The following RANBP2 variants were observed in gnomAD, a reference collection of about 807,000 sequenced individuals.
The protein encoded by RANBP2 is RAN binding protein 2, also known as E3 SUMO-protein ligase RanBP2.
Under a neutral mutation model 303.6 loss-of-function variants are expected in RANBP2, and 57 were observed. The ratio of observed to expected loss-of-function variants is 0.19; its 90% CI spans 0.15 to 0.23. The LOEUF is 0.23. Among genes scored for constraint, RANBP2 ranks in the 10% least tolerant of loss-of-function variants. The pLI is 1.00. For synonymous variants in RANBP2, 1,167 were observed against 1,301.5 expected (o/e 0.90, Z 2.23); for missense variants, 3,138 against 3,780.8 (o/e 0.83, Z 4.46).
chr2:108,878,521 A>C, the RANBP2 span: 2 of 214,926 alleles, frequency 9.3e-6, no homozygotes, highest in Non-Finnish European at 9.9e-6. Context: ...CTGTCATCTT[A>C]CCATATCAGA....
At chr2:109,284,576 G>C in the RANBP2 span, among the ~76,000 whole-genome samples, 1 of 152,224 alleles carries the variant, frequency 6.6e-6, no homozygotes, top group Admixed American at 6.5e-5. Context: ...AGCAGTCACA[G>C]GGTGGTTTTG....
chr2:109,026,340 G>A, the RANBP2 span, among the ~76,000 whole-genome samples: 2 of 130,370 alleles, frequency 1.5e-5, no homozygotes, highest in Non-Finnish European at 3.1e-5. Context: ...TGTTGCTCAG[G>A]CTGGTCCTGA....
the RANBP2 span, among the ~76,000 whole-genome samples, chr2:109,307,297 T>C: frequency 5.9e-5 from 9 of 152,318 alleles, no homozygotes; most frequent in African/African-American, 1.9e-4. Flanking sequence ...ATATATGATA[T>C]TGAAGATGTT....
chr2:108,738,355 G>A (rs572756619), intron 6 of RANBP2, among the ~76,000 whole-genome samples: 57 of 152,086 alleles, frequency 3.7e-4, no homozygotes, highest in Non-Finnish European at 5.6e-4. Flanking sequence ...GATTACAGGT[G>A]TGAGCCACCG....
the RANBP2 span, among the ~76,000 whole-genome samples, chr2:109,038,813 G>A: frequency 1.3e-5 from 2 of 152,138 alleles, no homozygotes; most frequent in Non-Finnish European, 2.9e-5. Flanking sequence ...GAAAGCTCCT[G>A]TTTCTCCACA....
the RANBP2 span, among the ~76,000 whole-genome samples, chr2:109,294,205 C>T: frequency 2.0e-5 from 3 of 152,080 alleles, no homozygotes; most frequent in South Asian, 2.1e-4. Context: ...ACATACAGCT[C>T]CTTGGTGGGG....
At chr2:108,884,049 A>T in the RANBP2 span, 1 of 152,266 alleles carries the variant, frequency 6.6e-6, no homozygotes, top group Non-Finnish European at 1.5e-5. Context: ...GACTATAGGC[A>T]TGCGCCACCA....
At chr2:109,202,269 C>G in the RANBP2 span, among the ~76,000 whole-genome samples, 11 of 152,316 alleles carry the variant, frequency 7.2e-5, no homozygotes, top group African/African-American at 2.6e-4. Context: ...TGCTGCCTCC[C>G]AGGTCCATCT....
chr2:109,392,739 T>C, the RANBP2 span, among the ~76,000 whole-genome samples: 1 of 151,890 alleles, frequency 6.6e-6, no homozygotes, highest in African/African-American at 2.4e-5. Flanking sequence ...ATGGTCTTGA[T>C]CTCCTGACCT....
chr2:109,002,962 C>T, the RANBP2 span, among the ~76,000 whole-genome samples: 2 of 152,032 alleles, frequency 1.3e-5, no homozygotes, highest in African/African-American at 2.4e-5. Flanking sequence ...AATCCCAGCA[C>T]TTTGGGAGGC....
chr2:109,496,570 C>T, the RANBP2 span, among the ~76,000 whole-genome samples: 1 of 152,362 alleles, frequency 6.6e-6, no homozygotes, highest in Admixed American at 6.5e-5. Flanking sequence ...GCCTGGCCGA[C>T]TCCTGCCCCT....
the RANBP2 span, among the ~76,000 whole-genome samples, chr2:109,520,598 C>CAAAAAAAAAAAAAAAAAAAAAAAAAAAA: frequency 2.0e-5 from 1 of 50,100 alleles, no homozygotes; most frequent in Non-Finnish European, 4.0e-5. Flanking sequence ...GACTCCATCT[C>CAAAAAAAAAAAAAAAAAAAAAAAAAAAA]AAAAAAAAAA....
At position 108,763,606 on chromosome 2, in the gene RANBP2, G is replaced by A. The variant is rs748997200; in HGVS notation, c.3067G>A (p.Ala1023Thr). 1 of 1,614,066 alleles carries A rather than the reference G, an allele frequency of 6.2e-7. No homozygotes were observed. Among genetic ancestry groups the A allele is most frequent in the African/African-American group, 1.3e-5 (1 of 75,012 alleles). The change falls in exon 20 of 29, where the codon GCA becomes ACA. Residue 1023 changes from alanine (A) to threonine (T), a missense_variant. By Grantham distance (58) the Ala-to-Thr change is moderately conservative. Transcript: ENST00000283195. ...EGLRPSLPTQ[A>T]HTTQPTPFKF... is the part of the protein sequence containing the mutation. ...ATTAAGGCCATCTTTGCCAACACAA[G>A]CACACACAACACAGCCAACTCCTTT...
At chr2:109,440,202 G>C in the RANBP2 span, among the ~76,000 whole-genome samples, 2 of 151,858 alleles carry the variant, frequency 1.3e-5, no homozygotes, top group Admixed American at 1.3e-4. Flanking sequence ...ACAGTTCCCT[G>C]CAGAGGCATA....
the RANBP2 span, among the ~76,000 whole-genome samples, chr2:108,905,906 A>G: frequency 6.9e-6 from 1 of 145,982 alleles, no homozygotes; most frequent in Non-Finnish European, 1.5e-5. Flanking sequence ...GGGATGCTCG[A>G]GGGCAGGGAG....
chr2:109,261,484 G>A, the RANBP2 span, among the ~76,000 whole-genome samples: 3 of 152,194 alleles, frequency 2.0e-5, no homozygotes, highest in Non-Finnish European at 2.9e-5. Context: ...TGTCAGACGT[G>A]TGTGAAATAT....
chr2:109,505,647 T>C, the RANBP2 span, among the ~76,000 whole-genome samples: 1 of 152,174 alleles, frequency 6.6e-6, no homozygotes, highest in African/African-American at 2.4e-5. Flanking sequence ...CAAGGCTGTG[T>C]GGATACCACT....
chr2:109,594,536 A>G, the RANBP2 span, among the ~76,000 whole-genome samples: 1 of 151,890 alleles, frequency 6.6e-6, no homozygotes, highest in Non-Finnish European at 1.5e-5. Context: ...CATTCTTTCT[A>G]CAGCACAGTG....
the RANBP2 span, among the ~76,000 whole-genome samples, chr2:109,626,952 T>A: frequency 1.3e-5 from 2 of 152,082 alleles, no homozygotes; most frequent in African/African-American, 4.8e-5. Context: ...CTGGGTGGTG[T>A]GTGCTCAGAC....
Sources: allele counts gnomAD v4.1 joint callset (sites outside exome capture counted in the v4.1 genomes callset), GRCh38; gene constraint gnomAD v4.1.1; transcripts MANE v1.5; gene names NCBI Gene and HGNC (gene_info 2026-07-23, HGNC 2026-07-21).